Variants in STAU2 observed in about 807,000 individuals in gnomAD.
STAU2 encodes double-stranded RNA-binding protein Staufen homolog 2.
A neutral mutation model predicts 65.9 loss-of-function variants in STAU2; 20 were observed. That is an observed-to-expected ratio of 0.30 (90% CI 0.21 to 0.44). The LOEUF is 0.44. Ranked by LOEUF, STAU2 falls within the 20% of genes least tolerant of loss-of-function variation. STAU2 has a pLI of 1.00. For synonymous variants in STAU2, 232 were observed against 233.9 expected (o/e 0.99, Z 0.07); for missense variants, 558 against 683.9 (o/e 0.82, Z 2.05).
At chr8:73,429,233 C>T (rs961157778) in intron 13 of STAU2, among the ~76,000 whole-genome samples, 3 of 152,050 alleles carry the variant, frequency 2.0e-5, no homozygotes, top group Non-Finnish European at 2.9e-5. Flanking sequence ...AGCATCACTC[C>T]GCCATTGTCA....
intron 13 of STAU2, among the ~76,000 whole-genome samples, chr8:73,433,359 G>C (rs12674853): frequency 4.0e-5 from 6 of 150,148 alleles, no homozygotes. Context: ...CACCCGCCAC[G>C]ACACCCAGCT....
intron 3 of STAU2, among the ~76,000 whole-genome samples, chr8:73,711,605 T>C (rs1379457416): frequency 6.6e-5 from 10 of 152,166 alleles, no homozygotes; most frequent in Non-Finnish European, 7.4e-5. Context: ...AAATTGCTAA[T>C]AGCATAGGTT....
At chr8:73,611,440 G>A (rs1242305843) in intron 9 of STAU2, among the ~76,000 whole-genome samples, 1 of 152,134 alleles carries the variant, frequency 6.6e-6, no homozygotes, top group Non-Finnish European at 1.5e-5. Context: ...GCTGAGATCT[G>A]AATGATGCAT....
At chr8:73,535,970 A>T (rs1245945713) in intron 13 of STAU2, among the ~76,000 whole-genome samples, 1 of 152,038 alleles carries the variant, frequency 6.6e-6, no homozygotes, top group African/African-American at 2.4e-5. Flanking sequence ...ATGGCATTTA[A>T]TTTTTTTAAA....
intron 5 of STAU2, among the ~76,000 whole-genome samples, chr8:73,686,221 T>C (rs966833440): frequency 8.5e-5 from 13 of 152,286 alleles, no homozygotes; most frequent in African/African-American, 3.1e-4. Flanking sequence ...GAGACCATCC[T>C]GGCTAACATG....
chr8:73,710,245 A>G (rs1381582224), intron 3 of STAU2, among the ~76,000 whole-genome samples: 1 of 151,548 alleles, frequency 6.6e-6, no homozygotes, highest in African/African-American at 2.4e-5. Flanking sequence ...CTCCACTACT[A>G]TTTTATGTTT....
At chr8:73,575,343 C>T (rs1447479254) in intron 12 of STAU2, among the ~76,000 whole-genome samples, 1 of 152,182 alleles carries the variant, frequency 6.6e-6, no homozygotes, top group African/African-American at 2.4e-5. Context: ...TGATAGCACA[C>T]TGTGTTCCTG....
intron 13 of STAU2, among the ~76,000 whole-genome samples, chr8:73,541,048 G>C (rs1806510189): frequency 6.6e-6 from 1 of 152,178 alleles, no homozygotes; most frequent in Non-Finnish European, 1.5e-5. Flanking sequence ...GATCTTGGAA[G>C]GCCCAATGGA....
At chr8:73,432,951 C>T (rs1217443496) in intron 13 of STAU2, among the ~76,000 whole-genome samples, 1 of 152,162 alleles carries the variant, frequency 6.6e-6, no homozygotes, top group Non-Finnish European at 1.5e-5. Flanking sequence ...TTGGGGAATT[C>T]ATTTAAAATC....
At chr8:73,677,401 G>T (rs1326097703) in intron 5 of STAU2, among the ~76,000 whole-genome samples, 1 of 152,076 alleles carries the variant, frequency 6.6e-6, no homozygotes, top group Non-Finnish European at 1.5e-5. Context: ...GTTCACAGCA[G>T]TATTATTTCT....
intron 4 of STAU2, among the ~76,000 whole-genome samples, chr8:73,701,152 G>A (rs1412833717): frequency 6.6e-6 from 1 of 152,060 alleles, no homozygotes; most frequent in Non-Finnish European, 1.5e-5. Flanking sequence ...TTAAATCTAA[G>A]ACCTCAAACT....
chr8:73,603,432 C>T (rs958634743), intron 10 of STAU2, among the ~76,000 whole-genome samples: 9 of 152,126 alleles, frequency 5.9e-5, no homozygotes, highest in Admixed American at 3.9e-4. Context: ...TAACAGACTC[C>T]GGCTACAAAA....
intron 12 of STAU2, among the ~76,000 whole-genome samples, chr8:73,564,612 C>T (rs912604590): frequency 6.6e-6 from 1 of 151,984 alleles, no homozygotes; most frequent in Admixed American, 6.6e-5. Context: ...CCCCATGACA[C>T]AGTTTACCTA....
At chr8:73,724,277 G>A (rs1266910109) in intron 3 of STAU2, among the ~76,000 whole-genome samples, 1 of 152,146 alleles carries the variant, frequency 6.6e-6, no homozygotes, top group African/African-American at 2.4e-5. Context: ...CAAGAGGACA[G>A]TAAACACGAT....
chr8:73,537,327 G>GT (rs56250639), intron 13 of STAU2, among the ~76,000 whole-genome samples: 120,488 of 152,076 alleles, frequency 0.79, 48,665 homozygotes, highest in East Asian at 0.9. Flanking sequence ...ATTCAAAAAA[G>GT]TAACAGCTTA....
chr8:73,672,373 A>G (rs1042379898), intron 6 of STAU2: 4 of 29,260 alleles, frequency 1.4e-4, no homozygotes, highest in Non-Finnish European at 2.4e-4. Flanking sequence ...GTCTGAGGAA[A>G]CTCTCAGAGG....
In STAU2 at chr8:73,653,960, GT is replaced by G. The variant is rs372396357; in HGVS notation, c.410+19146del. On this transcript the variant is annotated intron_variant, in intron 6 of 14. Transcript: ENST00000524300. ...GTATAGCTTTTCAAACTTTGTAAAAGTTCTAATGTGGTTAGGAAGAGGGAAG... is the reference window on the plus strand; with the variant it reads ...GTATAGCTTTTCAAACTTTGTAAAAGTCTAATGTGGTTAGGAAGAGGGAAG... The G allele has an allele frequency of 3.7e-4, 136 of 366,912 alleles. No individual in the cohort carries two copies. In the East Asian group the frequency reaches 0.013, roughly 36 times the overall value. 22.7% of individuals were successfully genotyped at this position (366,912 alleles called of 1,614,324 possible). A position where few individuals can be genotyped will look rare whatever the true frequency, so the allele number is the denominator to read the frequency against.
At position 73,668,699 on chromosome 8, in the gene STAU2, C is replaced by T. The variant is rs73686899; in HGVS notation, c.410+4408G>A. Among the ~76,000 whole-genome samples, 276 of 151,976 alleles carry T rather than the reference C, an allele frequency of 1.8e-3. 1 individual carries two copies. The highest frequency in any genetic ancestry group is 6.2e-3 in the African/African-American group (257 of 41,434). ...CAAATGATAAAGAAAAATACATAAC[C>T]GGATGTAATTATTGTCAAACATCTT... On this transcript the variant is annotated intron_variant, in intron 6 of 14. Coordinates refer to ENST00000524300, the MANE Select transcript of STAU2 (RefSeq NM_001164380.2).
At chr8:73,513,184 TTTTC>T (rs1282426507) in intron 13 of STAU2, among the ~76,000 whole-genome samples, 3 of 152,200 alleles carry the variant, frequency 2.0e-5, no homozygotes, top group Admixed American at 1.3e-4. Context: ...CTTGCTGTGG[TTTTC>T]TTTTTTTGTT....
Sources: allele counts gnomAD v4.1 joint callset (sites outside exome capture counted in the v4.1 genomes callset), GRCh38; gene constraint gnomAD v4.1.1; transcripts MANE v1.5; gene names NCBI Gene and HGNC (gene_info 2026-07-23, HGNC 2026-07-21).